PRKG1: variants seen among roughly 807,000 people sequenced by gnomAD.
PRKG1 encodes cGMP-dependent protein kinase 1.
Under a neutral mutation model 88.1 loss-of-function variants are expected in PRKG1, and 35 were observed. The ratio of observed to expected loss-of-function variants is 0.40; its 90% CI spans 0.30 to 0.53. The LOEUF is 0.53. Ranked by LOEUF, PRKG1 falls within the 20% of genes least tolerant of loss-of-function variation. The pLI, the probability that PRKG1 is intolerant of heterozygous loss-of-function variation, is 0.59. For synonymous variants in PRKG1, 303 were observed against 292.5 expected, an observed-to-expected ratio of 1.04 and a Z score of -0.37; for missense variants, 540 against 839.8, an observed-to-expected ratio of 0.64 and a Z score of 4.41.
chr10:51,699,669 C>A, intron 3 of PRKG1: 1 of 1,150,128 alleles, frequency 8.7e-7, no homozygotes, highest in Non-Finnish European at 1.2e-6. Context: ...TTTACTAATT[C>A]GCTTGAATCG....
At chr10:52,134,888 G>A (rs2132637796) in intron 8 of PRKG1, among the ~76,000 whole-genome samples, 1 of 152,216 alleles carries the variant, frequency 6.6e-6, no homozygotes, top group East Asian at 1.9e-4. Flanking sequence ...TTGCAGAATG[G>A]TAGCAATATC....
chr10:51,241,317 A>G (rs984412422), intron 2 of PRKG1, among the ~76,000 whole-genome samples: 1 of 152,128 alleles, frequency 6.6e-6, no homozygotes, highest in African/African-American at 2.4e-5. Flanking sequence ...CAAAAAAAAA[A>G]AAGCCAAAGA....
At chr10:51,468,287 T>C (rs964015623) in intron 3 of PRKG1, among the ~76,000 whole-genome samples, 7 of 151,868 alleles carry the variant, frequency 4.6e-5, no homozygotes, top group South Asian at 2.1e-4. Flanking sequence ...TCAAACATCA[T>C]TGAGTAAGAT....
At chr10:51,733,943 A>C (rs911867534) in intron 3 of PRKG1, among the ~76,000 whole-genome samples, 2 of 152,092 alleles carry the variant, frequency 1.3e-5, no homozygotes, top group Admixed American at 1.3e-4. Context: ...ATTAGGAAAA[A>C]ACTCCATATA....
At chr10:51,481,204 C>T (rs371147872) in intron 3 of PRKG1, among the ~76,000 whole-genome samples, 38 of 149,750 alleles carry the variant, frequency 2.5e-4, no homozygotes, top group African/African-American at 9.1e-4. Flanking sequence ...TCTCTCCCTC[C>T]CTCCTTTCGT....
At chr10:51,757,056 TTA>T (rs1018086553) in intron 3 of PRKG1, among the ~76,000 whole-genome samples, 1 of 151,510 alleles carries the variant, frequency 6.6e-6, no homozygotes, top group African/African-American at 2.4e-5. Flanking sequence ...TCATTTTATT[TTA>T]TTTTTTTTAT....
chr10:51,417,238 G>T (rs1018634378), intron 2 of PRKG1, among the ~76,000 whole-genome samples: 3 of 152,116 alleles, frequency 2.0e-5, no homozygotes, highest in Non-Finnish European at 4.4e-5. Flanking sequence ...CCCTCACATG[G>T]TCCTACATGA....
At chr10:52,019,367 T>A (rs1845124130) in intron 5 of PRKG1, among the ~76,000 whole-genome samples, 1 of 152,210 alleles carries the variant, frequency 6.6e-6, no homozygotes, top group African/African-American at 2.4e-5. Flanking sequence ...TTGATGATTA[T>A]GTTTCAAAGG....
At chr10:52,139,738 A>G (rs1564486621) in intron 8 of PRKG1, among the ~76,000 whole-genome samples, 1 of 152,226 alleles carries the variant, frequency 6.6e-6, no homozygotes, top group South Asian at 2.1e-4. Flanking sequence ...TGCATACTCA[A>G]GGTAGAATAG....
chr10:51,558,107 A>G (rs533255299), intron 3 of PRKG1, among the ~76,000 whole-genome samples: 1 of 152,214 alleles, frequency 6.6e-6, no homozygotes, highest in African/African-American at 2.4e-5. Context: ...AAAAATTACC[A>G]ACAGACCAAA....
chr10:51,620,863 A>T (rs1330996433), intron 3 of PRKG1, among the ~76,000 whole-genome samples: 1 of 151,898 alleles, frequency 6.6e-6, no homozygotes, highest in African/African-American at 2.4e-5. Context: ...TTTGACTGTC[A>T]TAAGTTTAGG....
chr10:52,082,263 G>A (rs1355712719), intron 7 of PRKG1, among the ~76,000 whole-genome samples: 2 of 152,064 alleles, frequency 1.3e-5, no homozygotes, highest in Non-Finnish European at 2.9e-5. Flanking sequence ...GGGATTATGG[G>A]AACTACCATT....
At chr10:51,949,500 A>T (rs777922678) in intron 5 of PRKG1, among the ~76,000 whole-genome samples, 1 of 151,836 alleles carries the variant, frequency 6.6e-6, no homozygotes, top group Non-Finnish European at 1.5e-5. Context: ...AGATTGGTAC[A>T]ATAGAGTAGA....
intron 3 of PRKG1, among the ~76,000 whole-genome samples, chr10:51,524,449 T>C (rs143966097): frequency 3.9e-4 from 60 of 152,292 alleles, no homozygotes; most frequent in Non-Finnish European, 7.8e-4. Flanking sequence ...CCATAGATAA[T>C]ACATAAATGA....
chr10:51,303,631 A>T (rs1026117882), intron 2 of PRKG1, among the ~76,000 whole-genome samples: 5 of 152,116 alleles, frequency 3.3e-5, no homozygotes, highest in African/African-American at 1.2e-4. Context: ...TAAACAGTGA[A>T]AGTATAAATA....
intron 5 of PRKG1, among the ~76,000 whole-genome samples, chr10:51,982,045 C>G (rs1222300911): frequency 2.0e-5 from 3 of 152,076 alleles, no homozygotes; most frequent in Non-Finnish European, 4.4e-5. Context: ...GTCTGACTGT[C>G]TTATTTCAGA....
intron 5 of PRKG1, chr10:51,908,734 A>ATATATTTTTTT (rs563212069): frequency 1.9e-5 from 1 of 52,222 alleles, no homozygotes; most frequent in Non-Finnish European, 4.8e-5. Flanking sequence ...TCTATATGTA[A>ATATATTTTTTT]TTTTTTTTTT....
At chr10:51,698,902 G>A in intron 3 of PRKG1, 1 of 1,612,054 alleles carries the variant, frequency 6.2e-7, no homozygotes, top group Non-Finnish European at 8.5e-7. Flanking sequence ...CAGGGCCAGG[G>A]CCAGGGCCAG....
At chr10:51,032,494 C>T (rs1405975816) in intron 1 of PRKG1, among the ~76,000 whole-genome samples, 1 of 152,068 alleles carries the variant, frequency 6.6e-6, no homozygotes, top group African/African-American at 2.4e-5. Context: ...CATGGTGGCT[C>T]ACACCTGTAA....
Sources: allele counts gnomAD v4.1 joint callset (sites outside exome capture counted in the v4.1 genomes callset), GRCh38; gene constraint gnomAD v4.1.1; transcripts MANE v1.5; gene names NCBI Gene and HGNC (gene_info 2026-07-23, HGNC 2026-07-21).